Variants in PIAS2 observed in about 807,000 individuals in gnomAD.
PIAS2 encodes the protein E3 SUMO-protein ligase PIAS2.
In PIAS2, 19 loss-of-function variants were observed where a neutral mutation model predicts 69.7. The observed-to-expected ratio is 0.27, with a 90% CI of 0.19 to 0.40. PIAS2 has a LOEUF of 0.40. PIAS2 is among the 10% of genes least tolerant of loss of function. The pLI, the probability that PIAS2 is intolerant of heterozygous loss-of-function variation, is 1.00. For synonymous variants in PIAS2, 261 were observed against 263.2 expected (o/e 0.99, Z 0.08); for missense variants, 624 against 757.0 (o/e 0.82, Z 2.06).
chr18:46,822,348 T>C (rs1263480875), intron 11 of PIAS2, among the ~76,000 whole-genome samples: 1 of 152,174 alleles, frequency 6.6e-6, no homozygotes, highest in Non-Finnish European at 1.5e-5. Flanking sequence ...AACTGATCCA[T>C]TTAGGAAGCT....
At chr18:46,833,942 C>A (rs543495903) in intron 9 of PIAS2, among the ~76,000 whole-genome samples, 1 of 152,118 alleles carries the variant, frequency 6.6e-6, no homozygotes, top group Non-Finnish European at 1.5e-5. Flanking sequence ...CTATTCCCTA[C>A]TGTAAAGTTC....
chr18:46,832,817 G>T (rs565727735), intron 9 of PIAS2, among the ~76,000 whole-genome samples: 17 of 151,676 alleles, frequency 1.1e-4, no homozygotes, highest in Admixed American at 9.2e-4. Flanking sequence ...ACTTGAACCT[G>T]GGGGGTGGGG....
chr18:46,846,157 A>C (rs565103379), intron 6 of PIAS2, among the ~76,000 whole-genome samples: 2 of 152,186 alleles, frequency 1.3e-5, no homozygotes, highest in African/African-American at 2.4e-5. Context: ...CAAAATTGAC[A>C]TAATTTATTA....
chr18:46,900,186 A>C (rs1206958479), intron 1 of PIAS2, among the ~76,000 whole-genome samples: 1 of 151,474 alleles, frequency 6.6e-6, no homozygotes, highest in Non-Finnish European at 1.5e-5. Flanking sequence ...CCAACATGGT[A>C]AAACACAGTC....
chr18:46,920,017 A>G, upstream of PIAS2: 4 of 1,271,998 alleles, frequency 3.1e-6, no homozygotes, highest in Non-Finnish European at 4.1e-6. Flanking sequence ...ACATAAACAC[A>G]AAACAGTAAG....
At chr18:46,848,801 G>A (rs2046542072) in intron 5 of PIAS2, among the ~76,000 whole-genome samples, 1 of 147,986 alleles carries the variant, frequency 6.8e-6, no homozygotes. Context: ...GAGAGAGAGA[G>A]TAGGAAGGTT....
intron 2 of PIAS2, among the ~76,000 whole-genome samples, chr18:46,865,068 A>G (rs2049224913): frequency 6.6e-6 from 1 of 152,184 alleles, no homozygotes; most frequent in Non-Finnish European, 1.5e-5. Context: ...TTGCTTAATG[A>G]AGTCACCCTT....
intron 2 of PIAS2, among the ~76,000 whole-genome samples, chr18:46,886,730 G>A (rs986867313): frequency 3.9e-5 from 6 of 152,020 alleles, no homozygotes; most frequent in African/African-American, 7.2e-5. Context: ...TCAGCTACTC[G>A]GGAGGCTGAG....
rs1393217034 is a variant in PIAS2 at position 46,803,382 on chromosome 18, G to A, written c.*9051C>T. On this transcript the variant is annotated 3_prime_UTR_variant, in exon 14 of 14. Transcript: ENST00000585916. Reference sequence around the variant, plus strand: ...TAACTCCACTAACCACTTGCTTCTTGAAATACTCTATTTTTTGGCCTCTGT... The same window carrying A: ...TAACTCCACTAACCACTTGCTTCTTAAAATACTCTATTTTTTGGCCTCTGT... 2 of 152,144 alleles carry A rather than the reference G, an allele frequency of 1.3e-5. No homozygotes were observed. The highest frequency in any genetic ancestry group is 4.8e-5 in the African/African-American group (2 of 41,438). The allele number at this position is 152,144 out of a possible 1,614,324, so 9.4% of individuals were successfully genotyped here.
rs374271624 is a variant in PIAS2 at position 46,899,837 on chromosome 18, C to T, written c.25-8783G>A. On this transcript the variant is annotated intron_variant, in intron 1 of 13. Coordinates refer to ENST00000585916, the MANE Select transcript of PIAS2 (RefSeq NM_004671.5). ...GAGGGAGGTAGTCAACTAAACAAAC[C>T]TTTACTATATGAAGTAACTATCAAA... Among the ~76,000 whole-genome samples, 62 of 115,966 alleles carry T rather than the reference C, an allele frequency of 5.3e-4. 1 individual carries two copies. In the Middle Eastern group the frequency reaches 0.016, roughly 29 times the overall value. 76.1% of individuals were successfully genotyped at this position (115,966 alleles called of 152,430 possible). A position where few individuals can be genotyped will look rare whatever the true frequency, so the allele number is the denominator to read the frequency against.
chr18:46,882,071 T>C (rs2052359746), intron 2 of PIAS2, among the ~76,000 whole-genome samples: 1 of 151,392 alleles, frequency 6.6e-6, no homozygotes, highest in Admixed American at 6.6e-5. Context: ...CATTCCAGCC[T>C]GGGTGACAGA....
Position 46,807,050 on chromosome 18 carries a change from T to G in PIAS2, c.*5383A>C, listed in dbSNP as rs2040721333. Reference sequence around the variant, plus strand: ...TGAAAACAGGCAATGTTTGCCTGTTTTTATAGCTTTTAGCCTTACCACTTT... The same window carrying G: ...TGAAAACAGGCAATGTTTGCCTGTTGTTATAGCTTTTAGCCTTACCACTTT... On this transcript the variant is annotated 3_prime_UTR_variant, in exon 14 of 14. Coordinates refer to ENST00000585916, the MANE Select transcript of PIAS2 (RefSeq NM_004671.5). 1.8e-5 allele frequency: 1 copy of G among 56,612 alleles called. No individual in the cohort carries two copies. Among genetic ancestry groups the G allele is most frequent in the Non-Finnish European group, 4.9e-5 (1 of 20,578 alleles). 3.5% of individuals were successfully genotyped at this position (56,612 alleles called of 1,614,324 possible).
chr18:46,912,719 G>T (rs1335637557), intron 1 of PIAS2, among the ~76,000 whole-genome samples: 2 of 152,012 alleles, frequency 1.3e-5, no homozygotes. Flanking sequence ...GAAAGGCATG[G>T]TATATTTTTA....
At chr18:46,822,552 GA>G (rs1346793495) in intron 11 of PIAS2, among the ~76,000 whole-genome samples, 1 of 152,166 alleles carries the variant, frequency 6.6e-6, no homozygotes, top group Non-Finnish European at 1.5e-5. Flanking sequence ...AGCAATGTTA[GA>G]AAAGGCAGAC....
chr18:46,865,522 CAAA>C (rs11321908), intron 2 of PIAS2, among the ~76,000 whole-genome samples: 1,735 of 108,240 alleles, frequency 0.016, 33 homozygotes, highest in African/African-American at 0.053. Flanking sequence ...CGATAGTCTT[CAAA>C]AAAAAAAAAA....
intron 2 of PIAS2, among the ~76,000 whole-genome samples, chr18:46,883,045 C>A (rs1183272180): frequency 6.6e-6 from 1 of 151,296 alleles, no homozygotes. Flanking sequence ...TTGCAGTGAG[C>A]CAAGATCACA....
chr18:46,844,051 T>C lies in PIAS2; in HGVS notation c.1041+3A>G. 1 of 1,497,820 alleles carries C rather than the reference T, an allele frequency of 6.7e-7. No homozygotes were observed. The highest frequency in any genetic ancestry group is 9.0e-7 in the Non-Finnish European group (1 of 1,117,108). 92.8% of individuals were successfully genotyped at this position (1,497,820 alleles called of 1,614,324 possible). A position where few individuals can be genotyped will look rare whatever the true frequency, so the allele number is the denominator to read the frequency against. On this transcript the variant is annotated splice_donor_region_variant and intron_variant, in intron 8 of 13. Transcript: ENST00000585916. ...CCCCAAAATGTTTTGTTGCTTTACT[T>C]ACAGGGCACATCAAGGATACCCGAA...
intron 2 of PIAS2, among the ~76,000 whole-genome samples, chr18:46,867,580 TTTAAG>T (rs555159214): frequency 3.4e-3 from 516 of 152,342 alleles, no homozygotes; most frequent in Middle Eastern, 0.01. Flanking sequence ...CATGAATGCC[TTTAAG>T]TTAAGAGCAA....
chr18:46,867,441 G>T (rs1422137965), intron 2 of PIAS2, among the ~76,000 whole-genome samples: 1 of 152,134 alleles, frequency 6.6e-6, no homozygotes, highest in Non-Finnish European at 1.5e-5. Flanking sequence ...AAGTGAATTT[G>T]TTAGCTAAAT....
Sources: gnomAD v4.1 joint callset for allele counts (sites outside exome capture counted in the v4.1 genomes callset) on GRCh38, gnomAD v4.1.1 for gene constraint, MANE v1.5 for transcripts, NCBI Gene and HGNC (gene_info 2026-07-23, HGNC 2026-07-21) for gene names.